Variants in ALCAM observed in about 807,000 individuals in gnomAD.
The protein encoded by ALCAM is activated leukocyte cell adhesion molecule.
Under a neutral mutation model 70.9 loss-of-function variants are expected in ALCAM, and 30 were observed. The ratio of observed to expected loss-of-function variants is 0.42; its 90% CI spans 0.32 to 0.57. ALCAM has a LOEUF of 0.57. Among genes scored for constraint, ALCAM ranks in the 20% least tolerant of loss-of-function variants. The pLI is 0.11. For missense variants in ALCAM, 591 were observed against 695.1 expected (o/e 0.85, Z 1.68); for synonymous variants, 249 against 242.5 (o/e 1.03, Z -0.25).
In ALCAM at chr3:105,395,902, G is replaced by A. The variant is rs141242888; in HGVS notation, c.73+28421G>A. Among the ~76,000 whole-genome samples the A allele has an allele frequency of 4.4e-3, 665 of 152,070 alleles. 3 individuals are homozygous for A. The highest frequency in any genetic ancestry group is 9.3e-3 in the Admixed American group (142 of 15,256). On this transcript the variant is annotated intron_variant, in intron 1 of 15. Transcript: ENST00000306107. ...TGGCAGCCCATGTCTCCTGGATTGA[G>A]TTCTCCTCCATTTAATAAACATAGT...
At chr3:105,566,845 A>T (rs756003119) in intron 14 of ALCAM, among the ~76,000 whole-genome samples, 104 of 152,114 alleles carry the variant, frequency 6.8e-4, no homozygotes, top group Non-Finnish European at 1.2e-3. Flanking sequence ...CATATCTACA[A>T]TCTGTATTTT....
intron 14 of ALCAM, among the ~76,000 whole-genome samples, chr3:105,562,727 T>A (rs1232728614): frequency 6.6e-6 from 1 of 152,232 alleles, no homozygotes; most frequent in Non-Finnish European, 1.5e-5. Flanking sequence ...TAGAATTCAA[T>A]AATGAAACTA....
intron 1 of ALCAM, among the ~76,000 whole-genome samples, chr3:105,391,586 T>C (rs1449604381): frequency 1.3e-5 from 2 of 152,094 alleles, no homozygotes; most frequent in African/African-American, 2.4e-5. Flanking sequence ...TATTTCTTTC[T>C]CTTGCCTGAT....
At chr3:105,382,275 T>C (rs1339836013) in intron 1 of ALCAM, among the ~76,000 whole-genome samples, 1 of 152,046 alleles carries the variant, frequency 6.6e-6, no homozygotes, top group African/African-American at 2.4e-5. Flanking sequence ...GAATTCATCA[T>C]TTTTTATGGC....
intron 9 of ALCAM, among the ~76,000 whole-genome samples, 176 bp downstream of exon 9, chr3:105,545,511 C>T (rs1273323552): frequency 6.6e-6 from 1 of 151,284 alleles, no homozygotes; most frequent in African/African-American, 2.4e-5. Flanking sequence ...TAGAGGTGCT[C>T]AACACGGTGA....
At chr3:105,463,901 T>C (rs1019443358) in intron 1 of ALCAM, among the ~76,000 whole-genome samples, 75 of 151,460 alleles carry the variant, frequency 5.0e-4, no homozygotes, top group Admixed American at 4.9e-3. Context: ...ATATGGGTGA[T>C]TGACAATTTA....
chr3:105,478,500 G>T (rs1000241425), intron 1 of ALCAM, among the ~76,000 whole-genome samples: 21 of 152,226 alleles, frequency 1.4e-4, no homozygotes, highest in Admixed American at 4.6e-4. Context: ...TTATCTCCAT[G>T]ACTCCCAGTG....
intron 1 of ALCAM, among the ~76,000 whole-genome samples, chr3:105,499,780 T>C (rs961019456): frequency 1.3e-5 from 2 of 152,180 alleles, no homozygotes; most frequent in Non-Finnish European, 2.9e-5. Context: ...AAAGCTGATG[T>C]GATTTCTAGA....
intron 1 of ALCAM, among the ~76,000 whole-genome samples, chr3:105,456,077 GAAACA>G (rs149084015): frequency 0.15 from 22,892 of 151,820 alleles, 1,829 homozygotes; most frequent in Middle Eastern, 0.19. Context: ...AACTCCATCT[GAAACA>G]AAACAAAACA....
intron 1 of ALCAM, among the ~76,000 whole-genome samples, chr3:105,391,387 G>A (rs1395664851): frequency 6.6e-6 from 1 of 151,894 alleles, no homozygotes; most frequent in Admixed American, 6.6e-5. Flanking sequence ...TCATGATTTG[G>A]TTCTCTGCTT....
intron 1 of ALCAM, among the ~76,000 whole-genome samples, chr3:105,493,814 A>G (rs529640854): frequency 7.4e-4 from 112 of 152,312 alleles, no homozygotes; most frequent in African/African-American, 2.6e-3. Flanking sequence ...TTGTTACAAC[A>G]GCAATGAAAA....
chr3:105,510,348 A>T (rs999874248), intron 1 of ALCAM, among the ~76,000 whole-genome samples: 1 of 152,020 alleles, frequency 6.6e-6, no homozygotes, highest in East Asian at 1.9e-4. Flanking sequence ...GTCTTAGTAT[A>T]CTTGTTGCAT....
At chr3:105,527,889 C>T (rs1451582460) in intron 3 of ALCAM, among the ~76,000 whole-genome samples, 2 of 151,132 alleles carry the variant, frequency 1.3e-5, no homozygotes, top group East Asian at 3.9e-4. Flanking sequence ...AAAAGTCATT[C>T]AACCTAAAAG....
At chr3:105,543,868 A>G (rs183903168) in intron 8 of ALCAM, among the ~76,000 whole-genome samples, 3 of 151,808 alleles carry the variant, frequency 2.0e-5, no homozygotes, top group Admixed American at 2.0e-4. Flanking sequence ...ACATGGTTTC[A>G]TATTAATGAG....
intron 14 of ALCAM, among the ~76,000 whole-genome samples, chr3:105,560,164 G>T (rs549432887): frequency 6.6e-6 from 1 of 152,058 alleles, no homozygotes; most frequent in Admixed American, 6.6e-5. Flanking sequence ...CCCACCAGTC[G>T]CATATGAGAG....
chr3:105,509,033 C>T (rs1344971317), intron 1 of ALCAM, among the ~76,000 whole-genome samples: 2 of 152,120 alleles, frequency 1.3e-5, no homozygotes, highest in African/African-American at 2.4e-5. Flanking sequence ...TGTGTTGTCA[C>T]AAATGGCAGG....
intron 1 of ALCAM, among the ~76,000 whole-genome samples, chr3:105,445,311 A>G (rs1937268546): frequency 6.6e-6 from 1 of 152,198 alleles, no homozygotes; most frequent in Admixed American, 6.5e-5. Flanking sequence ...ACTGAAAAAC[A>G]TTGATAAAAA....
At chr3:105,497,858 T>C (rs923204734) in intron 1 of ALCAM, among the ~76,000 whole-genome samples, 20 of 151,926 alleles carry the variant, frequency 1.3e-4, no homozygotes, top group East Asian at 3.9e-4. Flanking sequence ...GGTGAAACCA[T>C]GTCTCTACTA....
intron 1 of ALCAM, among the ~76,000 whole-genome samples, chr3:105,449,246 C>T (rs1207854287): frequency 1.3e-5 from 2 of 152,058 alleles, no homozygotes; most frequent in East Asian, 3.9e-4. Context: ...GTATGGTCTG[C>T]TTGGCTGCAG....
Sources: allele counts gnomAD v4.1 joint callset (sites outside exome capture counted in the v4.1 genomes callset), GRCh38; gene constraint gnomAD v4.1.1; transcripts MANE v1.5; gene names NCBI Gene and HGNC (gene_info 2026-07-23, HGNC 2026-07-21).